The following RALGPS2 variants were observed in gnomAD, a reference collection of about 807,000 sequenced individuals.
RALGPS2 encodes ras-specific guanine nucleotide-releasing factor RalGPS2.
A neutral mutation model predicts 86.8 loss-of-function variants in RALGPS2; 43 were observed. That is an observed-to-expected ratio of 0.50 (90% confidence interval 0.39 to 0.64). The LOEUF is 0.64. Among genes scored for constraint, RALGPS2 ranks in the 30% least tolerant of loss-of-function variants. The probability of loss-of-function intolerance (pLI) is 0.00; values close to 1 mark genes in which losing one functional copy is unlikely to be tolerated. For missense variants in RALGPS2, 536 were observed against 694.6 expected (o/e 0.77, Z 2.57); for synonymous variants, 243 against 231.3 (o/e 1.05, Z -0.46).
chr1:178,785,518 T>A, intron 3 of RALGPS2, 39 bp from the exon 4 acceptor site: 3 of 1,554,778 alleles, frequency 1.9e-6, no homozygotes, highest in Non-Finnish European at 2.6e-6. Context: ...TGGTATAGAA[T>A]TCCAAAGAAG....
chr1:178,880,692 G>A (rs180702863), intron 10 of RALGPS2, among the ~76,000 whole-genome samples: 1 of 152,200 alleles, frequency 6.6e-6, no homozygotes, highest in Non-Finnish European at 1.5e-5. Context: ...GTAGCTATTA[G>A]TCATTTATCT....
At chr1:178,865,521 C>T (rs374830081) in intron 8 of RALGPS2, 1 of 1,614,114 alleles carries the variant, frequency 6.2e-7, no homozygotes. Flanking sequence ...TTCAGGTTTT[C>T]AAGGTCCATC....
chr1:178,831,197 A>G (rs1405466383), intron 7 of RALGPS2, among the ~76,000 whole-genome samples: 1 of 152,210 alleles, frequency 6.6e-6, no homozygotes, highest in Non-Finnish European at 1.5e-5. Flanking sequence ...ATGGAAGATG[A>G]GTCATGTGTG....
At chr1:178,911,800 T>TATCA (rs1660638751) in intron 19 of RALGPS2, among the ~76,000 whole-genome samples, 1 of 152,224 alleles carries the variant, frequency 6.6e-6, no homozygotes, top group Non-Finnish European at 1.5e-5. Context: ...TGCCTGACAC[T>TATCA]ATCAGTGGGG....
At position 178,917,159 on chromosome 1, in the gene RALGPS2, T is replaced by C. The variant is rs186105339; in HGVS notation, c.*800T>C. 6.6e-6 allele frequency: 1 copy of C among 152,164 alleles called. No homozygotes were observed. The highest frequency in any genetic ancestry group is 1.5e-5 in the Non-Finnish European group (1 of 68,028). 9.4% of individuals were successfully genotyped at this position (152,164 alleles called of 1,614,324 possible). A position where few individuals can be genotyped will look rare whatever the true frequency, so the allele number is the denominator to read the frequency against. ...GTTGTTTCTAACTAGGGTTAAAGTT[T>C]AGCTTTCTATATGAATTCATTGTTG... On this transcript the variant is annotated 3_prime_UTR_variant, in exon 20 of 20. Transcript: ENST00000367635.
At chr1:178,727,580 G>T (rs1430189777) in intron 1 of RALGPS2, among the ~76,000 whole-genome samples, 1 of 152,178 alleles carries the variant, frequency 6.6e-6, no homozygotes, top group African/African-American at 2.4e-5. Flanking sequence ...CTGAAAAACT[G>T]GCTTTGTGAG....
chr1:178,784,534 A>G lies in RALGPS2; in HGVS notation c.162+12A>G. ...CAGAAGAATATGCGGTAAGCCTCCT[A>G]CCTCTGTCTTCTCCGGTTTTGCACA... On this transcript the variant is annotated intron_variant, in intron 3 of 19. Coordinates refer to ENST00000367635, the MANE Select transcript of RALGPS2 (RefSeq NM_152663.5). 3 of 1,547,748 alleles carry G rather than the reference A, an allele frequency of 1.9e-6. No individual in the cohort carries two copies. Among genetic ancestry groups the G allele is most frequent in the Non-Finnish European group, 2.6e-6 (3 of 1,135,096 alleles).
At chr1:178,742,177 T>C (rs6425498) in intron 1 of RALGPS2, among the ~76,000 whole-genome samples, 6,192 of 149,066 alleles carry the variant, frequency 0.042, 454 homozygotes, top group African/African-American at 0.15. Flanking sequence ...ATGGTGAGAT[T>C]GGATTAAAAA....
chr1:178,828,847 T>C (rs765468480), intron 7 of RALGPS2, among the ~76,000 whole-genome samples: 1 of 152,166 alleles, frequency 6.6e-6, no homozygotes, highest in African/African-American at 2.4e-5. Context: ...GGTACAGTCA[T>C]GGAAAACAGT....
intron 1 of RALGPS2, among the ~76,000 whole-genome samples, chr1:178,743,253 T>C (rs895111620): frequency 6.6e-6 from 1 of 152,068 alleles, no homozygotes; most frequent in Non-Finnish European, 1.5e-5. Flanking sequence ...ACTATTGAAG[T>C]AGAACTCAGA....
chr1:178,915,670 A>C (rs565616647), intron 19 of RALGPS2, among the ~76,000 whole-genome samples: 1 of 152,346 alleles, frequency 6.6e-6, no homozygotes, highest in South Asian at 2.1e-4. Context: ...GACACTTGTA[A>C]GGTATTTATG....
At chr1:178,781,900 CAAG>C (rs1294683469) in intron 2 of RALGPS2, among the ~76,000 whole-genome samples, 1 of 152,066 alleles carries the variant, frequency 6.6e-6, no homozygotes, top group Non-Finnish European at 1.5e-5. Flanking sequence ...AGATTAAACA[CAAG>C]AAATAAAACT....
At position 178,920,441 on chromosome 1, in the gene RALGPS2, C is replaced by T. The variant is rs1324934258; in HGVS notation, c.*4082C>T. ...AATAATCATGTGCCCTCTTGCTCCT[C>T]TTATTTCAGGAGTGTGTGCTATCCC... On this transcript the variant is annotated 3_prime_UTR_variant, in exon 20 of 20. Transcript: ENST00000367635. 1 of 151,948 alleles carries T rather than the reference C, an allele frequency of 6.6e-6. No homozygotes were observed. The highest frequency in any genetic ancestry group is 2.4e-5 in the African/African-American group (1 of 41,430). 9.4% of individuals were successfully genotyped at this position (151,948 alleles called of 1,614,324 possible).
chr1:178,757,896 A>T (rs1467902301), intron 1 of RALGPS2, among the ~76,000 whole-genome samples: 1 of 152,108 alleles, frequency 6.6e-6, no homozygotes, highest in East Asian at 1.9e-4. Flanking sequence ...GTCTGGTAGA[A>T]TTTGTGAATC....
At chr1:178,760,690 T>A (rs1400179451) in intron 1 of RALGPS2, among the ~76,000 whole-genome samples, 1 of 152,170 alleles carries the variant, frequency 6.6e-6, no homozygotes, top group Admixed American at 6.5e-5. Flanking sequence ...TTATACATGA[T>A]CTGACCTTTT....
At chr1:178,739,086 T>G (rs143087600) in intron 1 of RALGPS2, among the ~76,000 whole-genome samples, 289 of 152,310 alleles carry the variant, frequency 1.9e-3, no homozygotes, top group Non-Finnish European at 2.9e-3. Context: ...ATTAGTAAGT[T>G]TTTTCTTTTT....
Position 178,909,753 on chromosome 1 carries a change from G to A in RALGPS2, c.1722+2886G>A, listed in dbSNP as rs539452208. Among the ~76,000 whole-genome samples, 67 of 147,032 alleles carry A rather than the reference G, an allele frequency of 4.6e-4. 1 individual carries two copies. In the South Asian group the frequency reaches 0.011, roughly 24 times the overall value. On this transcript the variant is annotated intron_variant, in intron 19 of 19. Coordinates refer to ENST00000367635, the MANE Select transcript of RALGPS2 (RefSeq NM_152663.5). Reference sequence around the variant, plus strand: ...CAACCTCCACCTCCCGGGTTCAAGCGATTCTCCTGCCTCAGTCTCCCGAGT... The same window carrying A: ...CAACCTCCACCTCCCGGGTTCAAGCAATTCTCCTGCCTCAGTCTCCCGAGT...
chr1:178,836,915 A>G (rs1354112470), intron 8 of RALGPS2, among the ~76,000 whole-genome samples: 1 of 152,116 alleles, frequency 6.6e-6, no homozygotes, highest in East Asian at 1.9e-4. Context: ...AGTAGCTGAG[A>G]CTACAGGTGT....
intron 1 of RALGPS2, among the ~76,000 whole-genome samples, chr1:178,728,223 A>G (rs1451905450): frequency 2.0e-5 from 3 of 152,172 alleles, no homozygotes; most frequent in Non-Finnish European, 4.4e-5. Context: ...CTAAAATTTT[A>G]AAATATCACC....
Sources: allele counts gnomAD v4.1 joint callset (sites outside exome capture counted in the v4.1 genomes callset), GRCh38; gene constraint gnomAD v4.1.1; transcripts MANE v1.5; gene names NCBI Gene and HGNC (gene_info 2026-07-23, HGNC 2026-07-21).